Variants in GNB1L observed in about 807,000 individuals in gnomAD.
The protein encoded by GNB1L is G protein subunit beta 1 like, also known as guanine nucleotide-binding protein subunit beta-like protein 1.
In GNB1L, 20 loss-of-function variants were observed where a neutral mutation model predicts 29.1. The ratio of observed to expected loss-of-function variants is 0.69; its 90% CI spans 0.48 to 1.00. The LOEUF (loss-of-function observed/expected upper bound fraction) is 1.00. GNB1L is among the 50% of genes least tolerant of loss of function. GNB1L has a pLI of 0.00. For missense variants in GNB1L, 421 were observed against 464.9 expected, an observed-to-expected ratio of 0.91 and a Z score of 0.87; for synonymous variants, 193 against 206.5, an observed-to-expected ratio of 0.93 and a Z score of 0.56.
chr22:19,787,707 C>T lies in GNB1L; in HGVS notation c.*1002G>A, dbSNP rs1335655590. ...GCTCTTCCGGCAATCCGGGCAGACA[C>T]AGGCGTGTGTGGTCCCAGCTTCTCT... On this transcript the variant is annotated 3_prime_UTR_variant, in exon 8 of 8. Transcript: ENST00000329517. 1 of 152,338 alleles carries T rather than the reference C, an allele frequency of 6.6e-6. No homozygotes were observed. Among genetic ancestry groups the T allele is most frequent in the Admixed American group, 6.5e-5 (1 of 15,286 alleles). The allele number at this position is 152,338 out of a possible 1,614,324, so 9.4% of individuals were successfully genotyped here. A position where few individuals can be genotyped will look rare whatever the true frequency, so the allele number is the denominator to read the frequency against.
At chr22:19,802,913 G>A (rs1370776287) in intron 6 of GNB1L, among the ~76,000 whole-genome samples, 1 of 152,250 alleles carries the variant, frequency 6.6e-6, no homozygotes, top group Non-Finnish European at 1.5e-5. Flanking sequence ...GGAGAGCACT[G>A]CAGGATTCCG....
At chr22:19,851,535 C>G (rs1938098588) in intron 2 of GNB1L, 1 of 1,613,818 alleles carries the variant, frequency 6.2e-7, no homozygotes, top group East Asian at 2.2e-5. Flanking sequence ...GACCCAGACA[C>G]AGCAGGGGTG....
intron 5 of GNB1L, among the ~76,000 whole-genome samples, chr22:19,809,235 G>A (rs1320553457): frequency 6.6e-6 from 1 of 151,864 alleles, no homozygotes; most frequent in Non-Finnish European, 1.5e-5. Flanking sequence ...GGTGGTGGAA[G>A]AGCACACCGA....
intron 2 of GNB1L, among the ~76,000 whole-genome samples, chr22:19,839,982 G>A (rs1008885960): frequency 6.6e-6 from 1 of 151,698 alleles, no homozygotes; most frequent in South Asian, 2.1e-4. Context: ...AGGATCACTT[G>A]AGCCCGTGGA....
intron 6 of GNB1L, 62 bp from the exon 7 acceptor site, chr22:19,802,278 G>A (rs933416301): frequency 7.3e-7 from 1 of 1,369,202 alleles, no homozygotes; most frequent in African/African-American, 1.4e-5. Context: ...AGTTTCGGGG[G>A]AGAAGGGGCT....
At chr22:19,850,753 A>G (rs1938075146) in intron 2 of GNB1L, 1 of 1,245,434 alleles carries the variant, frequency 8.0e-7, no homozygotes, top group African/African-American at 1.5e-5. Context: ...ACGAGGTCCC[A>G]ACAGGGCAGA....
intron 7 of GNB1L, among the ~76,000 whole-genome samples, chr22:19,795,313 A>C (rs908682883): frequency 6.6e-6 from 1 of 152,208 alleles, no homozygotes; most frequent in Non-Finnish European, 1.5e-5. Flanking sequence ...TCACAGTTAA[A>C]GATTTTAAGA....
rs1159510942 is a variant in GNB1L at position 19,788,440 on chromosome 22, T to A, written c.*269A>T. 1.7e-6 allele frequency: 1 copy of A among 596,610 alleles called. No individual in the cohort carries two copies. Among genetic ancestry groups the A allele is most frequent in the Non-Finnish European group, 3.0e-6 (1 of 332,528 alleles). 37.0% of individuals were successfully genotyped at this position (596,610 alleles called of 1,614,324 possible). A position where few individuals can be genotyped will look rare whatever the true frequency, so the allele number is the denominator to read the frequency against. ...TTGGCAATGGAAATTTATTATAAAA[T>A]ACCCTCAGCTGGCAACACAGCAGGC... On this transcript the variant is annotated 3_prime_UTR_variant, in exon 8 of 8. Coordinates refer to ENST00000329517, the MANE Select transcript of GNB1L (RefSeq NM_053004.3).
In GNB1L at chr22:19,821,365, G is replaced by T; in HGVS notation, c.-10C>A. 2 of 1,611,396 alleles carry T rather than the reference G, an allele frequency of 1.2e-6. No homozygotes were observed. Among genetic ancestry groups the T allele is most frequent in the Non-Finnish European group, 1.7e-6 (2 of 1,179,632 alleles). ...GGCAGGGGGCCGTCATGCTGGGCAG[G>T]ATGCAGTTACCTGGGCACCAAGGGA... is the stretch of plus-strand genomic sequence containing the variant. On this transcript the variant is annotated 5_prime_UTR_variant, in exon 3 of 8. Transcript: ENST00000329517.
chr22:19,805,812 G>A (rs1303365969), intron 6 of GNB1L, among the ~76,000 whole-genome samples: 4 of 152,146 alleles, frequency 2.6e-5, no homozygotes, highest in African/African-American at 9.7e-5. Flanking sequence ...AAATAGAAAA[G>A]GAGGGTGCCT....
In GNB1L at chr22:19,801,304, C is replaced by G. The variant is rs56101010; in HGVS notation, c.732+697G>C. Among the ~76,000 whole-genome samples, 8 of 152,340 alleles carry G rather than the reference C, an allele frequency of 5.3e-5. No homozygotes were observed. The East Asian group carries it at 1.4e-3, about 26-fold the overall frequency. The stretch of plus-strand genomic sequence containing the variant: ...ACCCAGGCCACACCCAGCACCTCAT[C>G]TCCCATGGTCTCTGCAGCCCCTGAG... On this transcript the variant is annotated intron_variant, in intron 7 of 7. Transcript: ENST00000329517.
intron 2 of GNB1L, among the ~76,000 whole-genome samples, chr22:19,821,662 C>T (rs540102067): frequency 4.8e-4 from 73 of 152,318 alleles, no homozygotes; most frequent in Non-Finnish European, 7.9e-4. Flanking sequence ...CTCCTCGCAC[C>T]GTGCCTGTTG....
In GNB1L at chr22:19,850,962, G is replaced by A. The variant is rs1251958547; in HGVS notation, c.-21+3481C>T. 5 of 1,380,068 alleles carry A rather than the reference G, an allele frequency of 3.6e-6. No homozygotes were observed. In the East Asian group the frequency reaches 1.3e-4, roughly 36 times the overall value. The allele number at this position is 1,380,068 out of a possible 1,614,324, so 85.5% of individuals were successfully genotyped here. A position where few individuals can be genotyped will look rare whatever the true frequency, so the allele number is the denominator to read the frequency against. ...CAGCAGAGAGCCAGCAGCAGGGAAA[G>A]GGCACAGGGCGGAGGTCAAGCTCTG... On this transcript the variant is annotated intron_variant, in intron 2 of 7. Transcript: ENST00000329517.
intron 4 of GNB1L, among the ~76,000 whole-genome samples, chr22:19,819,185 G>A (rs1027712585): frequency 7.2e-5 from 11 of 152,208 alleles, no homozygotes; most frequent in African/African-American, 2.4e-4. Flanking sequence ...GCCGCAGCAC[G>A]TGGGGTCTCC....
At chr22:19,823,711 T>C (rs570402110) in intron 2 of GNB1L, among the ~76,000 whole-genome samples, 1 of 152,052 alleles carries the variant, frequency 6.6e-6, no homozygotes, top group African/African-American at 2.4e-5. Flanking sequence ...TGCTCACACA[T>C]ACACACACAT....
chr22:19,821,190 G>A, intron 3 of GNB1L, 38 bp downstream of exon 3: 1 of 1,588,724 alleles, frequency 6.3e-7, no homozygotes, highest in Non-Finnish European at 8.6e-7. Context: ...TCCTGACTTG[G>A]CCCTGGGTGG....
In GNB1L at chr22:19,802,041, G is replaced by T. The variant is rs147844556; in HGVS notation, c.692C>A (p.Ala231Glu). The T allele has an allele frequency of 6.2e-7, 1 of 1,608,164 alleles. No individual in the cohort carries two copies. Among genetic ancestry groups the T allele is most frequent in the Non-Finnish European group, 8.5e-7 (1 of 1,177,710 alleles). Residue 231 changes from alanine to glutamate, a missense_variant, in exon 7 of 8, where the codon GCG becomes GAG. Physicochemically the swap from Ala to Glu is moderately radical, Grantham distance 107. Transcript: ENST00000329517. ...CCAGTCCAGGCTCCAGACAGCCAGC[G>T]CCTTCCCCGCGGAGCCTGAGATGCC... ...ARGISGSAGK[A>E]LAVWSLDWQQ...
intron 2 of GNB1L, chr22:19,850,035 C>T (rs981584032): frequency 5.6e-5 from 55 of 985,782 alleles, no homozygotes; most frequent in Non-Finnish European, 6.3e-5. Context: ...CTACAGCTCT[C>T]GGAAGTCAGT....
intron 4 of GNB1L, among the ~76,000 whole-genome samples, chr22:19,813,132 T>C (rs1937513070): frequency 6.6e-6 from 1 of 152,042 alleles, no homozygotes; most frequent in Admixed American, 6.6e-5. Flanking sequence ...ACAACGAGTG[T>C]TTGGGCAGAT....
Sources: allele counts gnomAD v4.1 joint callset (sites outside exome capture counted in the v4.1 genomes callset), GRCh38; gene constraint gnomAD v4.1.1; transcripts MANE v1.5; gene names NCBI Gene and HGNC (gene_info 2026-07-23, HGNC 2026-07-21).